The following PIBF1 variants were observed in gnomAD, a reference collection of about 807,000 sequenced individuals.
PIBF1 encodes the protein progesterone immunomodulatory binding factor 1.
Under a neutral mutation model 112.5 loss-of-function variants are expected in PIBF1, and 90 were observed. That is an observed-to-expected ratio of 0.80 (90% CI 0.67 to 0.95). The LOEUF is 0.95. PIBF1 is among the 40% of genes least tolerant of loss of function. PIBF1 has a pLI of 0.00. For synonymous variants in PIBF1, 301 were observed against 288.6 expected, an observed-to-expected ratio of 1.04 and a Z score of -0.44; for missense variants, 915 against 852.3, an observed-to-expected ratio of 1.07 and a Z score of -0.92.
intron 13 of PIBF1, among the ~76,000 whole-genome samples, chr13:72,924,028 G>A (rs529734217): frequency 6.6e-6 from 1 of 152,218 alleles, no homozygotes; most frequent in African/African-American, 2.4e-5. Context: ...ATTGTGTTAA[G>A]GAGGCATAAA....
At chr13:72,942,265 TAA>T (rs35561447) in intron 14 of PIBF1, among the ~76,000 whole-genome samples, 9 of 134,790 alleles carry the variant, frequency 6.7e-5, no homozygotes, top group Non-Finnish European at 7.9e-5. Context: ...TTCAATGATG[TAA>T]AAAAAAAAAA....
intron 13 of PIBF1, among the ~76,000 whole-genome samples, chr13:72,927,531 T>C (rs560653885): frequency 1.4e-4 from 21 of 151,900 alleles, no homozygotes; most frequent in Non-Finnish European, 2.9e-4. Context: ...AAAAAAAAGA[T>C]GTGTGCCACC....
At chr13:72,986,082 G>A (rs934988624) in intron 16 of PIBF1, among the ~76,000 whole-genome samples, 2 of 152,050 alleles carry the variant, frequency 1.3e-5, no homozygotes, top group Non-Finnish European at 2.9e-5. Context: ...AGGACCACTT[G>A]ACCCCGGGAC....
intron 5 of PIBF1, 80 bp from the exon 6 acceptor site, chr13:72,821,769 A>G: frequency 9.8e-7 from 1 of 1,020,578 alleles, no homozygotes; most frequent in Non-Finnish European, 1.4e-6. Context: ...TCACAGCTTA[A>G]CAGAAGACTT....
chr13:72,855,185 G>A (rs965691544), intron 10 of PIBF1, among the ~76,000 whole-genome samples: 15 of 151,944 alleles, frequency 9.9e-5, no homozygotes, highest in Admixed American at 2.0e-4. Context: ...ATTAATTTGA[G>A]GTATAAGCAA....
chr13:72,986,086 C>A (rs1472634669), intron 16 of PIBF1, among the ~76,000 whole-genome samples: 1 of 152,048 alleles, frequency 6.6e-6, no homozygotes, highest in African/African-American at 2.4e-5. Context: ...CCACTTGACC[C>A]CGGGACTTCA....
chr13:72,791,590 T>C (rs2034932414), intron 2 of PIBF1, among the ~76,000 whole-genome samples: 1 of 152,174 alleles, frequency 6.6e-6, no homozygotes, highest in East Asian at 1.9e-4. Context: ...TAGAATTTAT[T>C]CTGAGGACAG....
intron 10 of PIBF1, among the ~76,000 whole-genome samples, chr13:72,863,220 A>C (rs370115388): frequency 2.2e-4 from 33 of 152,324 alleles, no homozygotes; most frequent in East Asian, 1.4e-3. Flanking sequence ...AGAAGTAAAA[A>C]AACAGAGACC....
intron 2 of PIBF1, among the ~76,000 whole-genome samples, chr13:72,789,860 G>C (rs769742818): frequency 3.9e-5 from 6 of 152,164 alleles, no homozygotes; most frequent in Non-Finnish European, 8.8e-5. Context: ...AGACTTCAGA[G>C]CATTTTGAAT....
chr13:72,806,679 A>G lies in PIBF1; in HGVS notation c.672+8653A>G, dbSNP rs190164944. Among the ~76,000 whole-genome samples, 5 of 152,286 alleles carry G rather than the reference A, an allele frequency of 3.3e-5. No homozygotes were observed. The East Asian group carries it at 7.7e-4, about 24-fold the overall frequency. On this transcript the variant is annotated intron_variant, in intron 5 of 17. Transcript: ENST00000326291. Reference sequence around the variant, plus strand: ...AGAATGATGGTTTCCAGTTTCATCCATGTCCCTGCAAAGGACATTAACTCT... The same window carrying G: ...AGAATGATGGTTTCCAGTTTCATCCGTGTCCCTGCAAAGGACATTAACTCT...
chr13:72,791,856 A>T (rs982648748), intron 2 of PIBF1, among the ~76,000 whole-genome samples: 1 of 149,036 alleles, frequency 6.7e-6, no homozygotes, highest in Non-Finnish European at 1.5e-5. Flanking sequence ...CTTATCTTGA[A>T]CTCCCGACCT....
chr13:72,798,178 A>C, intron 5 of PIBF1, 152 bp downstream of exon 5: 1 of 716,722 alleles, frequency 1.4e-6, no homozygotes, highest in Non-Finnish European at 2.2e-6. Context: ...AGGAGGTTAA[A>C]TTGGAAGTAG....
chr13:72,901,059 C>T, intron 11 of PIBF1: 1 of 442,808 alleles, frequency 2.3e-6, no homozygotes, highest in Non-Finnish European at 4.5e-6. Context: ...CAAACAAAAG[C>T]TAAATAGCTG....
chr13:72,799,213 A>T (rs2035346129), intron 5 of PIBF1, among the ~76,000 whole-genome samples: 1 of 152,238 alleles, frequency 6.6e-6, no homozygotes, highest in South Asian at 2.1e-4. Flanking sequence ...GTTTCAGAGT[A>T]AAAACATGAT....
At chr13:72,996,268 TAA>T (rs374718365) in intron 16 of PIBF1, among the ~76,000 whole-genome samples, 1 of 130,842 alleles carries the variant, frequency 7.6e-6, no homozygotes, top group Non-Finnish European at 1.7e-5. Flanking sequence ...TTCAATATAT[TAA>T]AAAAAAAAAA....
intron 5 of PIBF1, among the ~76,000 whole-genome samples, chr13:72,803,616 A>C (rs2035590354): frequency 6.6e-6 from 1 of 152,186 alleles, no homozygotes; most frequent in Admixed American, 6.5e-5. Context: ...AAAGAATAAT[A>C]ATTTAGTAAA....
chr13:72,813,286 T>C (rs1436966235), intron 5 of PIBF1, among the ~76,000 whole-genome samples: 1 of 152,230 alleles, frequency 6.6e-6, no homozygotes, highest in Non-Finnish European at 1.5e-5. Context: ...TGTGAATGCA[T>C]GTCATTTTTC....
chr13:72,791,022 G>A (rs7332615), intron 2 of PIBF1, among the ~76,000 whole-genome samples: 90,760 of 151,636 alleles, frequency 0.6, 27,784 homozygotes, highest in East Asian at 0.79. Context: ...TGGATTGGCT[G>A]TGAAATTCAT....
chr13:72,830,658 CTGCTGGATTTGGTT>C, intron 8 of PIBF1, among the ~76,000 whole-genome samples: 1 of 152,278 alleles, frequency 6.6e-6, no homozygotes, highest in Admixed American at 6.5e-5. Flanking sequence ...TTTTCATGTG[CTGCTGGATTTGGTT>C]TGCCAGTATT....
Sources: gnomAD v4.1 joint callset for allele counts (sites outside exome capture counted in the v4.1 genomes callset) on GRCh38, gnomAD v4.1.1 for gene constraint, MANE v1.5 for transcripts, NCBI Gene and HGNC (gene_info 2026-07-23, HGNC 2026-07-21) for gene names.